DCK: variants seen among roughly 807,000 people sequenced by gnomAD.
The protein encoded by DCK is deoxyadenosine kinase.
In DCK, 23 loss-of-function variants were observed where a neutral mutation model predicts 38.3. That is an observed-to-expected ratio of 0.60 (90% CI 0.43 to 0.85). DCK has a LOEUF of 0.85. Ranked by LOEUF, DCK falls within the 40% of genes least tolerant of loss-of-function variation. DCK has a pLI of 0.00. For missense variants in DCK, 259 were observed against 304.4 expected, an observed-to-expected ratio of 0.85 and a Z score of 1.11; for synonymous variants, 108 against 100.6, an observed-to-expected ratio of 1.07 and a Z score of -0.44.
intron 6 of DCK, chr4:71,028,635 G>A (rs992576143): frequency 2.1e-5 from 9 of 431,062 alleles, no homozygotes; most frequent in African/African-American, 8.2e-5. Flanking sequence ...TTGCTCCGTC[G>A]CCCAGGCTGG....
chr4:71,029,331 T>C, intron 6 of DCK, 21 bp from the exon 7 acceptor site: 1 of 1,557,960 alleles, frequency 6.4e-7, no homozygotes, highest in Middle Eastern at 1.7e-4. Context: ...TATACTGATT[T>C]TTTTTTCTTC....
chr4:70,995,454 G>T (rs1473111784), intron 1 of DCK, among the ~76,000 whole-genome samples: 1 of 152,130 alleles, frequency 6.6e-6, no homozygotes, highest in Non-Finnish European at 1.5e-5. Context: ...TGCATGTGTT[G>T]GTGTGCCTCC....
At chr4:71,019,571 T>C (rs529594911) in intron 2 of DCK, among the ~76,000 whole-genome samples, 4 of 152,268 alleles carry the variant, frequency 2.6e-5, no homozygotes, top group Non-Finnish European at 4.4e-5. Flanking sequence ...TTAGAGAATA[T>C]ATTACTTCAT....
chr4:71,018,187 C>T (rs1030829749), intron 2 of DCK, among the ~76,000 whole-genome samples: 2 of 136,380 alleles, frequency 1.5e-5, no homozygotes, highest in Non-Finnish European at 3.0e-5. Flanking sequence ...AGTGCAGTGG[C>T]GCCATCTCAA....
Position 71,027,017 on chromosome 4 carries a change from A to AT in DCK, c.756+271dup, listed in dbSNP as rs982922224. 9.9e-5 allele frequency among the ~76,000 whole-genome samples: 15 copies of AT among 151,410 alleles called. 1 individual carries two copies. In the South Asian group the frequency reaches 1.0e-3, roughly 11 times the overall value. On this transcript the variant is annotated intron_variant, in intron 6 of 6. Transcript: ENST00000286648. ...TTAAATAAATAAAAATAAAATAAGG[A>AT]TTTTTTTTTATCCTTTAGTGCCTCT...
chr4:70,996,250 T>A (rs1325816743), intron 1 of DCK, among the ~76,000 whole-genome samples: 2 of 150,772 alleles, frequency 1.3e-5, no homozygotes, highest in Non-Finnish European at 2.9e-5. Context: ...CGTTTAGTCC[T>A]AGCTACTCAG....
intron 2 of DCK, chr4:71,006,308 A>G (rs917226795): frequency 2.1e-6 from 2 of 961,816 alleles, no homozygotes; most frequent in African/African-American, 1.8e-5. Flanking sequence ...TGCACTGCAA[A>G]TGAGGAAGAA....
At chr4:71,019,418 A>T (rs531691110) in intron 2 of DCK, among the ~76,000 whole-genome samples, 1 of 152,270 alleles carries the variant, frequency 6.6e-6, no homozygotes, top group East Asian at 1.9e-4. Context: ...AAAATTTATC[A>T]TCTGAACCAT....
intron 2 of DCK, among the ~76,000 whole-genome samples, chr4:71,000,858 C>A (rs986608412): frequency 1.3e-5 from 2 of 152,080 alleles, no homozygotes; most frequent in Admixed American, 6.6e-5. Context: ...GATTTTTGCC[C>A]ATTGATTTTG....
chr4:70,999,362 T>TA (rs1180488578), intron 2 of DCK, among the ~76,000 whole-genome samples: 1 of 152,260 alleles, frequency 6.6e-6, no homozygotes, highest in Non-Finnish European at 1.5e-5. Flanking sequence ...ATTCTTTTAT[T>TA]ATGGCTGCAT....
Position 71,026,744 on chromosome 4 carries a change from C to A in DCK, c.745C>A (p.Leu249Met). The change falls in exon 6 of 7, where the codon CTG (leucine) becomes ATG (methionine). Residue 249 changes from leucine to methionine, a missense_variant. By Grantham distance (15) the Leu-to-Met change is conservative (BLOSUM62 2). Coordinates refer to ENST00000286648, the MANE Select transcript of DCK (RefSeq NM_000788.3). ...NEDFKDKYES[L>M]VEKVKEFLST... ...AGACTTTAAAGACAAATATGAAAGT[C>A]TGGTTGAAAAGGTAGATTTAGACAG... The A allele has an allele frequency of 6.6e-7, 1 of 1,521,204 alleles. No homozygotes were observed. The highest frequency in any genetic ancestry group is 9.1e-7 in the Non-Finnish European group (1 of 1,099,854). 94.2% of individuals were successfully genotyped at this position (1,521,204 alleles called of 1,614,324 possible). A position where few individuals can be genotyped will look rare whatever the true frequency, so the allele number is the denominator to read the frequency against.
At chr4:71,004,973 C>CT (rs1364514459) in intron 2 of DCK, among the ~76,000 whole-genome samples, 1 of 151,758 alleles carries the variant, frequency 6.6e-6, no homozygotes, top group Non-Finnish European at 1.5e-5. Context: ...CTTCAGCCCC[C>CT]TTTCTAGGGG....
intron 6 of DCK, among the ~76,000 whole-genome samples, chr4:71,027,645 C>T (rs1389849223): frequency 6.6e-6 from 1 of 152,096 alleles, no homozygotes; most frequent in African/African-American, 2.4e-5. Flanking sequence ...AGGGATATAT[C>T]AAGGATTTTG....
rs548124522 is a variant in DCK at position 71,012,984 on chromosome 4, C to T, written c.208-9383C>T. Among the ~76,000 whole-genome samples the T allele has an allele frequency of 1.2e-4, 18 of 152,254 alleles. 1 individual carries two copies. Among genetic ancestry groups the T allele is most frequent in the African/African-American group, 3.9e-4 (16 of 41,550 alleles). The stretch of plus-strand genomic sequence containing the variant: ...CTTCTCCGAGCTAAAGGAGGAAGTT[C>T]GAACCCATGGCAAAGAAGCTAAAAA... On this transcript the variant is annotated intron_variant, in intron 2 of 6. Coordinates refer to ENST00000286648, the MANE Select transcript of DCK (RefSeq NM_000788.3).
chr4:71,027,597 C>T (rs776290814), intron 6 of DCK, among the ~76,000 whole-genome samples: 2 of 152,106 alleles, frequency 1.3e-5, no homozygotes, highest in African/African-American at 2.4e-5. Flanking sequence ...TCTTTTGTGG[C>T]ATAATGTCTG....
chr4:71,014,734 C>T (rs1462021948), intron 2 of DCK, among the ~76,000 whole-genome samples: 3 of 152,248 alleles, frequency 2.0e-5, no homozygotes, highest in Middle Eastern at 3.4e-3. Flanking sequence ...AGAACAAAGA[C>T]ACAACATACC....
At chr4:71,028,542 T>C in intron 6 of DCK, 1 of 377,392 alleles carries the variant, frequency 2.6e-6, no homozygotes, top group South Asian at 2.0e-5. Context: ...GAGCAATAAA[T>C]AACTCCTAAA....
chr4:70,998,193 A>G lies in DCK; in HGVS notation c.207+11A>G, dbSNP rs1266065058. ...CAAGATGAATTTGAGGTATGAAAATAAAATTTAAGTAGATAAAAGCCTCTT... is the reference window on the plus strand; with the variant it reads ...CAAGATGAATTTGAGGTATGAAAATGAAATTTAAGTAGATAAAAGCCTCTT... On this transcript the variant is annotated intron_variant, in intron 2 of 6. Coordinates refer to ENST00000286648, the MANE Select transcript of DCK (RefSeq NM_000788.3). 2 of 1,373,808 alleles carry G rather than the reference A, an allele frequency of 1.5e-6. No homozygotes were observed. The highest frequency in any genetic ancestry group is 2.1e-6 in the Non-Finnish European group (2 of 971,112). The allele number at this position is 1,373,808 out of a possible 1,614,324, so 85.1% of individuals were successfully genotyped here. A position where few individuals can be genotyped will look rare whatever the true frequency, so the allele number is the denominator to read the frequency against.
intron 2 of DCK, among the ~76,000 whole-genome samples, chr4:71,001,049 A>G (rs1202099437): frequency 1.3e-5 from 2 of 152,084 alleles, no homozygotes; most frequent in African/African-American, 4.8e-5. Flanking sequence ...TTCCAATACT[A>G]TGTTGAATAG....
Sources: gnomAD v4.1 joint callset for allele counts (sites outside exome capture counted in the v4.1 genomes callset) on GRCh38, gnomAD v4.1.1 for gene constraint, MANE v1.5 for transcripts, NCBI Gene and HGNC (gene_info 2026-07-23, HGNC 2026-07-21) for gene names.